Variants in SEMA6D observed in about 807,000 individuals in gnomAD.
SEMA6D encodes semaphorin 6D, also known as semaphorin-6D.
Under a neutral mutation model 106.6 loss-of-function variants are expected in SEMA6D, and 35 were observed. The observed-to-expected ratio is 0.33, with a 90% confidence interval of 0.25 to 0.44. The LOEUF is 0.44. Among genes scored for constraint, SEMA6D ranks in the 20% least tolerant of loss-of-function variants. SEMA6D has a pLI of 1.00. For synonymous variants in SEMA6D, 499 were observed against 487.7 expected (o/e 1.02, Z -0.31); for missense variants, 1,185 against 1,345.9 (o/e 0.88, Z 1.87).
intron 1 of SEMA6D, among the ~76,000 whole-genome samples, chr15:47,383,795 A>G (rs948324730): frequency 1.3e-5 from 2 of 152,126 alleles, no homozygotes; most frequent in Non-Finnish European, 2.9e-5. Flanking sequence ...TGGCACTCAG[A>G]CTCTGCTATG....
chr15:47,771,893 C>T lies in SEMA6D; in HGVS notation c.*108C>T. The T allele has an allele frequency of 5.9e-6, 7 of 1,191,076 alleles. No homozygotes were observed. The highest frequency in any genetic ancestry group is 8.3e-6 in the Non-Finnish European group (7 of 843,302). 73.8% of individuals were successfully genotyped at this position (1,191,076 alleles called of 1,614,324 possible). A position where few individuals can be genotyped will look rare whatever the true frequency, so the allele number is the denominator to read the frequency against. ...AGACTCGCTTGTATTTTAAGAGAACCAAGTGGCCAAAGAAACTCTTTCTAA... is the reference window on the plus strand; with the variant it reads ...AGACTCGCTTGTATTTTAAGAGAACTAAGTGGCCAAAGAAACTCTTTCTAA... On this transcript the variant is annotated 3_prime_UTR_variant, in exon 19 of 19. Coordinates refer to ENST00000536845, the MANE Select transcript of SEMA6D (RefSeq NM_001358351.3).
At chr15:47,517,151 T>G (rs1316771343) in intron 3 of SEMA6D, among the ~76,000 whole-genome samples, 2 of 152,164 alleles carry the variant, frequency 1.3e-5, no homozygotes, top group African/African-American at 4.8e-5. Flanking sequence ...CATCTATTAC[T>G]CTTAGGACTT....
chr15:47,223,577 G>GTTGTTATCTTA (rs11270624), intron 1 of SEMA6D, among the ~76,000 whole-genome samples: 1 of 151,564 alleles, frequency 6.6e-6, no homozygotes, highest in African/African-American at 2.4e-5. Flanking sequence ...AAGCTTGCGT[G>GTTGTTATCTTA]TGTCAGCTGG....
At chr15:47,378,435 G>T (rs943672814) in intron 1 of SEMA6D, among the ~76,000 whole-genome samples, 1 of 152,190 alleles carries the variant, frequency 6.6e-6, no homozygotes, top group Non-Finnish European at 1.5e-5. Context: ...GGCAGAGGTT[G>T]CAGTGAGCTG....
intron 1 of SEMA6D, among the ~76,000 whole-genome samples, chr15:47,276,537 A>G (rs2034823979): frequency 6.6e-6 from 1 of 152,198 alleles, no homozygotes; most frequent in Non-Finnish European, 1.5e-5. Context: ...AAATGGAAAA[A>G]TAAACCGTGG....
chr15:47,634,674 A>G (rs2077350503), intron 4 of SEMA6D, among the ~76,000 whole-genome samples: 1 of 152,188 alleles, frequency 6.6e-6, no homozygotes, highest in Admixed American at 6.5e-5. Flanking sequence ...AAGGAGGCTC[A>G]ACCCACCACT....
At chr15:47,744,573 GA>G (rs2081014099) in intron 1 of SEMA6D, among the ~76,000 whole-genome samples, 3 of 152,148 alleles carry the variant, frequency 2.0e-5, no homozygotes, top group Admixed American at 6.5e-5. Flanking sequence ...TTGTGGGGGG[GA>G]AAATGCACCC....
intron 1 of SEMA6D, among the ~76,000 whole-genome samples, chr15:47,721,643 C>T (rs941955132): frequency 1.3e-4 from 20 of 152,210 alleles, no homozygotes; most frequent in Non-Finnish European, 2.6e-4. Flanking sequence ...ATAATTGAAG[C>T]TGCTTGCATT....
chr15:47,645,140 G>A (rs952456642), intron 4 of SEMA6D, among the ~76,000 whole-genome samples: 4 of 152,120 alleles, frequency 2.6e-5, no homozygotes, highest in Admixed American at 1.3e-4. Flanking sequence ...AATCTGTTTC[G>A]TTGCTGGCAA....
rs1302285772 is a variant in SEMA6D at position 47,494,765 on chromosome 15, T to G, written c.-87+24220T>G. On this transcript the variant is annotated intron_variant, in intron 3 of 19. Coordinates refer to the SEMA6D transcript ENST00000558014. ...AGATATATATATATATATATATATA[T>G]ATATATATATATATATATATATATA... is the stretch of plus-strand genomic sequence containing the variant. 3.0e-3 allele frequency among the ~76,000 whole-genome samples: 280 copies of G among 93,178 alleles called. 9 individuals are homozygous for G. Among genetic ancestry groups the G allele is most frequent in the African/African-American group, 0.012 (263 of 21,454 alleles). 61.1% of individuals were successfully genotyped at this position (93,178 alleles called of 152,430 possible). A position where few individuals can be genotyped will look rare whatever the true frequency, so the allele number is the denominator to read the frequency against.
At chr15:47,408,611 G>A (rs1170250970) in intron 1 of SEMA6D, among the ~76,000 whole-genome samples, 1 of 152,114 alleles carries the variant, frequency 6.6e-6, no homozygotes, top group East Asian at 1.9e-4. Flanking sequence ...AGATAAAATT[G>A]CACAGAGAGA....
chr15:47,577,503 T>C (rs2076176158), intron 3 of SEMA6D, among the ~76,000 whole-genome samples: 1 of 152,214 alleles, frequency 6.6e-6, no homozygotes, highest in Admixed American at 6.5e-5. Flanking sequence ...GTTCAAGATG[T>C]GTTTTAAGCT....
Position 47,536,255 on chromosome 15 carries a change from C to A in SEMA6D, c.-86-64610C>A, listed in dbSNP as rs530171508. Among the ~76,000 whole-genome samples, 44 of 152,264 alleles carry A rather than the reference C, an allele frequency of 2.9e-4. 1 individual carries two copies. In the South Asian group the frequency reaches 7.1e-3, roughly 24 times the overall value. On this transcript the variant is annotated intron_variant, in intron 3 of 19. Coordinates refer to the SEMA6D transcript ENST00000558014. The stretch of plus-strand genomic sequence containing the variant: ...TTACCTCTACAAAGGAGGAGTTCCA[C>A]CATAAATGGTGGTTACTTTGATTTT...
intron 1 of SEMA6D, among the ~76,000 whole-genome samples, chr15:47,258,021 C>T (rs2033896266): frequency 6.6e-6 from 1 of 152,138 alleles, no homozygotes; most frequent in African/African-American, 2.4e-5. Flanking sequence ...TTTCTTTCCT[C>T]TGTAGCCTAC....
chr15:47,296,148 A>G (rs1347847500), intron 1 of SEMA6D, among the ~76,000 whole-genome samples: 2 of 152,192 alleles, frequency 1.3e-5, no homozygotes, highest in African/African-American at 2.4e-5. Context: ...TCTACCTTCC[A>G]ACCCAACCCC....
At chr15:47,637,539 T>C (rs1481243183) in intron 4 of SEMA6D, among the ~76,000 whole-genome samples, 1 of 152,176 alleles carries the variant, frequency 6.6e-6, no homozygotes, top group Non-Finnish European at 1.5e-5. Context: ...TGGGGAACAT[T>C]TCACACTAAC....
chr15:47,307,124 G>A (rs1298078129), intron 1 of SEMA6D, among the ~76,000 whole-genome samples: 2 of 152,070 alleles, frequency 1.3e-5, no homozygotes, highest in African/African-American at 2.4e-5. Context: ...TTATCTTATT[G>A]GGCTGTTGTG....
chr15:47,363,048 TATA>T (rs1036695588), intron 1 of SEMA6D, among the ~76,000 whole-genome samples: 2 of 151,886 alleles, frequency 1.3e-5, no homozygotes, highest in African/African-American at 4.8e-5. Context: ...ATAATAATAA[TATA>T]ATAATAATTT....
intron 2 of SEMA6D, 80 bp downstream of exon 2, chr15:47,759,987 G>T: frequency 1.9e-6 from 2 of 1,041,212 alleles, no homozygotes; most frequent in Non-Finnish European, 3.0e-6. Flanking sequence ...TTCATTTTCA[G>T]AAAGAGGCAG....
Sources: allele counts gnomAD v4.1 joint callset (sites outside exome capture counted in the v4.1 genomes callset), GRCh38; gene constraint gnomAD v4.1.1; transcripts MANE v1.5; gene names NCBI Gene and HGNC (gene_info 2026-07-23, HGNC 2026-07-21).